DCC: variants seen among roughly 807,000 people sequenced by gnomAD.
DCC encodes DCC netrin 1 receptor.
In DCC, 58 loss-of-function variants were observed where a neutral mutation model predicts 172.5. The ratio of observed to expected loss-of-function variants is 0.34; its 90% CI spans 0.27 to 0.42. The LOEUF is 0.42. Among genes scored for constraint, DCC ranks in the 10% least tolerant of loss-of-function variants. DCC has a pLI of 1.00. For missense variants in DCC, 1,740 were observed against 1,791.0 expected, an observed-to-expected ratio of 0.97 and a Z score of 0.51; for synonymous variants, 709 against 644.5, an observed-to-expected ratio of 1.10 and a Z score of -1.52.
intron 2 of DCC, among the ~76,000 whole-genome samples, chr18:52,841,845 G>A (rs2038812716): frequency 6.6e-6 from 1 of 151,954 alleles, no homozygotes; most frequent in Admixed American, 6.6e-5. Flanking sequence ...TTCTCCATAA[G>A]GCAATGTTTC....
intron 1 of DCC, among the ~76,000 whole-genome samples, chr18:52,360,388 A>C (rs761431911): frequency 5.9e-5 from 9 of 152,238 alleles, no homozygotes; most frequent in African/African-American, 1.9e-4. Context: ...TAACAAGCCA[A>C]CTTAACTCTG....
At chr18:52,872,505 GA>G (rs1387158643) in intron 2 of DCC, among the ~76,000 whole-genome samples, 1 of 152,160 alleles carries the variant, frequency 6.6e-6, no homozygotes. Flanking sequence ...CTAGCCCTCT[GA>G]ACAGCCGTCT....
intron 1 of DCC, among the ~76,000 whole-genome samples, chr18:52,654,201 G>A (rs17755763): frequency 0.3 from 46,333 of 152,008 alleles, 7,672 homozygotes; most frequent in East Asian, 0.51. Flanking sequence ...GTGGCCTGGA[G>A]AAACATACAG....
chr18:53,154,253 G>A (rs2054692198), intron 7 of DCC, among the ~76,000 whole-genome samples: 1 of 152,144 alleles, frequency 6.6e-6, no homozygotes, highest in Non-Finnish European at 1.5e-5. Context: ...TAGCCATATA[G>A]ATAATGCACT....
At chr18:52,979,175 T>C (rs775333308) in intron 5 of DCC, among the ~76,000 whole-genome samples, 1 of 152,012 alleles carries the variant, frequency 6.6e-6, no homozygotes, top group Non-Finnish European at 1.5e-5. Flanking sequence ...AACACACTTA[T>C]AGTCTGTTAA....
chr18:53,334,251 C>T (rs913290280), intron 14 of DCC, among the ~76,000 whole-genome samples: 1 of 152,158 alleles, frequency 6.6e-6, no homozygotes, highest in African/African-American at 2.4e-5. Flanking sequence ...AATGAGACCA[C>T]ACTTCACACC....
chr18:53,317,063 G>A (rs147782597), intron 13 of DCC, among the ~76,000 whole-genome samples: 14 of 152,310 alleles, frequency 9.2e-5, no homozygotes, highest in African/African-American at 3.1e-4. Flanking sequence ...TGCCCATGCA[G>A]TATATTGGCT....
rs1018696586 is a variant in DCC, at chr18:53,450,538, G to A, written c.3268G>A (p.Val1090Ile). ...ACAAATGCACCCCCCGCATGGCAGT[G>A]TCACTCCTCAGAAGAACAGCAACCT... is the stretch of plus-strand genomic sequence containing the variant. ...IGQMHPPHGSVTPQKNSNLLV... is the reference protein window; with the variant it reads ...IGQMHPPHGSITPQKNSNLLV... The change falls in exon 23 of 29, where the codon GTC becomes ATC. Residue 1090 changes from valine (V) to isoleucine (I), a missense_variant. This residue lies in a region of DCC where 1,732 missense variants were observed against 1,767.4 expected (regional missense o/e 0.98). Transcript: ENST00000442544. 4 of 1,614,044 alleles carry A rather than the reference G, an allele frequency of 2.5e-6. No homozygotes were observed. Among genetic ancestry groups the A allele is most frequent in the Non-Finnish European group, 3.4e-6 (4 of 1,180,012 alleles).
intron 2 of DCC, among the ~76,000 whole-genome samples, chr18:52,904,275 A>T (rs909983427): frequency 2.6e-5 from 4 of 152,190 alleles, no homozygotes; most frequent in African/African-American, 9.7e-5. Flanking sequence ...ATTTCTGTGG[A>T]TGTAGCTATA....
intron 9 of DCC, among the ~76,000 whole-genome samples, chr18:53,204,012 T>A (rs1346053627): frequency 2.6e-5 from 4 of 152,236 alleles, no homozygotes; most frequent in African/African-American, 9.6e-5. Flanking sequence ...CATGCTAGGC[T>A]ATTCATAGTC....
At chr18:53,166,378 G>A (rs1276379273) in intron 8 of DCC, among the ~76,000 whole-genome samples, 1 of 152,104 alleles carries the variant, frequency 6.6e-6, no homozygotes, top group African/African-American at 2.4e-5. Flanking sequence ...TCAAAGGAGA[G>A]GATTGGGACA....
intron 7 of DCC, among the ~76,000 whole-genome samples, chr18:53,142,211 A>G (rs528818616): frequency 2.5e-4 from 38 of 152,376 alleles, no homozygotes; most frequent in Non-Finnish European, 4.7e-4. Flanking sequence ...GCCAGGTGAT[A>G]CAAAAGCGTC....
At chr18:52,383,973 C>G (rs9964365) in intron 1 of DCC, among the ~76,000 whole-genome samples, 31 of 152,198 alleles carry the variant, frequency 2.0e-4, no homozygotes, top group African/African-American at 7.2e-4. Flanking sequence ...CTTTTCTGAT[C>G]ACTTAAAATT....
intron 12 of DCC, among the ~76,000 whole-genome samples, chr18:53,286,219 A>G (rs1413516080): frequency 2.0e-5 from 3 of 152,064 alleles, no homozygotes; most frequent in South Asian, 2.1e-4. Context: ...TGGTTTGGCT[A>G]TGTCACCACC....
intron 1 of DCC, among the ~76,000 whole-genome samples, chr18:52,666,832 A>G (rs960194507): frequency 4.6e-5 from 7 of 152,204 alleles, no homozygotes; most frequent in African/African-American, 1.4e-4. Flanking sequence ...TCTGCTTATA[A>G]TTTGAAGAAA....
chr18:52,980,535 G>A (rs2041193566), intron 5 of DCC, among the ~76,000 whole-genome samples: 1 of 151,876 alleles, frequency 6.6e-6, no homozygotes, highest in African/African-American at 2.4e-5. Flanking sequence ...CAACAATTGA[G>A]GTAGAGAAGA....
At chr18:53,093,291 A>C (rs186040653) in intron 7 of DCC, among the ~76,000 whole-genome samples, 1 of 152,290 alleles carries the variant, frequency 6.6e-6, no homozygotes, top group East Asian at 1.9e-4. Flanking sequence ...AACTAATATT[A>C]ATATAAAATA....
chr18:53,041,318 G>C (rs895335658), intron 5 of DCC, among the ~76,000 whole-genome samples: 10 of 151,928 alleles, frequency 6.6e-5, no homozygotes, highest in African/African-American at 2.4e-4. Context: ...AAGATCAGAT[G>C]GTTGTAGATG....
intron 15 of DCC, among the ~76,000 whole-genome samples, chr18:53,345,480 G>T (rs2057712931): frequency 6.6e-6 from 1 of 152,064 alleles, no homozygotes; most frequent in Non-Finnish European, 1.5e-5. Flanking sequence ...TATATTTATT[G>T]TATTATGCAG....
Sources: allele counts gnomAD v4.1 joint callset (sites outside exome capture counted in the v4.1 genomes callset), GRCh38; gene constraint gnomAD v4.1.1; regional missense constraint gnomAD v4.1.1; transcripts MANE v1.5; gene names NCBI Gene and HGNC (gene_info 2026-07-23, HGNC 2026-07-21).